DSCAM: variants seen among roughly 807,000 people sequenced by gnomAD.
The protein encoded by DSCAM is DS cell adhesion molecule.
In DSCAM, 47 loss-of-function variants were observed where a neutral mutation model predicts 217.7. That is an observed-to-expected ratio of 0.22 (90% CI 0.17 to 0.28). The LOEUF (loss-of-function observed/expected upper bound fraction) is 0.28. DSCAM is among the 10% of genes least tolerant of loss of function. The probability of loss-of-function intolerance (pLI) is 1.00; values close to 1 mark genes in which losing one functional copy is unlikely to be tolerated. For synonymous variants in DSCAM, 1,056 were observed against 1,015.3 expected (o/e 1.04, Z -0.76); for missense variants, 2,080 against 2,618.3 (o/e 0.79, Z 4.49).
At chr21:40,445,299 G>T (rs548191582) in intron 3 of DSCAM, among the ~76,000 whole-genome samples, 4 of 152,142 alleles carry the variant, frequency 2.6e-5, no homozygotes, top group Non-Finnish European at 5.9e-5. Flanking sequence ...CTTTAATTGC[G>T]TGCTGGCCTC....
rs2837566 is a variant in DSCAM, at chr21:40,301,608, G to C, written c.2063-5434C>G. ...AATTACTTACCATAGCCTTTATTACGCTCATCTGGTATTGCTGTTTAACAG... is the reference window on the plus strand; with the variant it reads ...AATTACTTACCATAGCCTTTATTACCCTCATCTGGTATTGCTGTTTAACAG... On this transcript the variant is annotated intron_variant, in intron 9 of 32. Transcript: ENST00000400454. Among the ~76,000 whole-genome samples, 12 of 128,726 alleles carry C rather than the reference G, an allele frequency of 9.3e-5. 1 individual carries two copies. The highest frequency in any genetic ancestry group is 1.9e-4 in the African/African-American group (5 of 26,150). The allele number at this position is 128,726 out of a possible 152,430, so 84.4% of individuals were successfully genotyped here. A position where few individuals can be genotyped will look rare whatever the true frequency, so the allele number is the denominator to read the frequency against.
intron 3 of DSCAM, among the ~76,000 whole-genome samples, chr21:40,386,100 C>T (rs916359356): frequency 2.0e-5 from 3 of 152,192 alleles, no homozygotes; most frequent in Non-Finnish European, 4.4e-5. Context: ...CCATTAATTA[C>T]GTGCACTGCA....
At chr21:40,813,679 G>A (rs1249948150) in intron 1 of DSCAM, among the ~76,000 whole-genome samples, 5 of 139,664 alleles carry the variant, frequency 3.6e-5, no homozygotes, top group East Asian at 4.1e-4. Context: ...ATGGAGTCTC[G>A]CTCTGTCACC....
intron 11 of DSCAM, among the ~76,000 whole-genome samples, chr21:40,213,662 T>A (rs370686882): frequency 6.6e-6 from 1 of 152,104 alleles, no homozygotes; most frequent in Non-Finnish European, 1.5e-5. Flanking sequence ...GGCTTGGAGA[T>A]GGAGTGGGTG....
chr21:40,451,529 C>T (rs990628038), intron 3 of DSCAM, among the ~76,000 whole-genome samples: 2 of 152,080 alleles, frequency 1.3e-5, no homozygotes, highest in African/African-American at 4.8e-5. Flanking sequence ...GGGCTCGTAT[C>T]ATGTCATATT....
At position 40,349,659 on chromosome 21, in the gene DSCAM, T is replaced by A. The variant is rs137942033; in HGVS notation, c.935-1714A>T. Reference sequence around the variant, plus strand: ...TCTATTTTACAAAACAGAAAATAGTTATTGAGAGCGCTTAAATAACTCAGC... The same window carrying A: ...TCTATTTTACAAAACAGAAAATAGTAATTGAGAGCGCTTAAATAACTCAGC... On this transcript the variant is annotated intron_variant, in intron 5 of 32. Coordinates refer to ENST00000400454, the MANE Select transcript of DSCAM (RefSeq NM_001389.5). Among the ~76,000 whole-genome samples the A allele has an allele frequency of 2.6e-5, 4 of 152,300 alleles. No individual in the cohort carries two copies. In the East Asian group the frequency reaches 7.7e-4, roughly 29 times the overall value.
intron 1 of DSCAM, among the ~76,000 whole-genome samples, chr21:40,745,858 G>A (rs1343329991): frequency 6.6e-6 from 1 of 152,014 alleles, no homozygotes; most frequent in African/African-American, 2.4e-5. Flanking sequence ...AATTAGTTAA[G>A]AGTTAATATA....
At chr21:40,744,163 T>A (rs1197534928) in intron 1 of DSCAM, among the ~76,000 whole-genome samples, 2 of 152,162 alleles carry the variant, frequency 1.3e-5, no homozygotes, top group African/African-American at 4.8e-5. Context: ...CCTACCAGTA[T>A]GGGAATCTTC....
intron 11 of DSCAM, among the ~76,000 whole-genome samples, chr21:40,263,029 A>C (rs895572055): frequency 1.3e-5 from 2 of 152,264 alleles, no homozygotes; most frequent in African/African-American, 4.8e-5. Context: ...CTTAGGCTAT[A>C]CAAATAAAAG....
intron 3 of DSCAM, among the ~76,000 whole-genome samples, chr21:40,519,968 C>T (rs1296361433): frequency 6.6e-6 from 1 of 152,038 alleles, no homozygotes; most frequent in Non-Finnish European, 1.5e-5. Flanking sequence ...AAACACATGA[C>T]CTTCCTTCTT....
At chr21:40,770,711 T>C (rs1461388216) in intron 1 of DSCAM, among the ~76,000 whole-genome samples, 1 of 152,136 alleles carries the variant, frequency 6.6e-6, no homozygotes, top group Non-Finnish European at 1.5e-5. Flanking sequence ...AGGAGGCGAA[T>C]GTTATTATGG....
At chr21:40,234,058 C>T (rs985707407) in intron 11 of DSCAM, among the ~76,000 whole-genome samples, 2 of 152,234 alleles carry the variant, frequency 1.3e-5, no homozygotes, top group African/African-American at 4.8e-5. Context: ...GAATGTACAA[C>T]AGCTCTTGTC....
intron 3 of DSCAM, among the ~76,000 whole-genome samples, chr21:40,454,745 G>T (rs1212674362): frequency 6.6e-6 from 1 of 152,210 alleles, no homozygotes; most frequent in Non-Finnish European, 1.5e-5. Flanking sequence ...TCAAAGTAGG[G>T]TAAATATACA....
chr21:40,204,243 G>A (rs1246185323), intron 11 of DSCAM, among the ~76,000 whole-genome samples: 2 of 152,182 alleles, frequency 1.3e-5, no homozygotes, highest in Admixed American at 6.5e-5. Context: ...GTGTGAGCAC[G>A]TGTGCAATTC....
intron 3 of DSCAM, among the ~76,000 whole-genome samples, chr21:40,415,726 G>T (rs1204471295): frequency 6.6e-6 from 1 of 152,126 alleles, no homozygotes. Context: ...GGCACCATTT[G>T]CACAGGCTCC....
At chr21:40,600,819 G>T (rs1305591555) in intron 3 of DSCAM, among the ~76,000 whole-genome samples, 1 of 152,060 alleles carries the variant, frequency 6.6e-6, no homozygotes, top group African/African-American at 2.4e-5. Context: ...CCATTGAATT[G>T]TCTTTGTTCC....
intron 1 of DSCAM, among the ~76,000 whole-genome samples, chr21:40,806,739 A>T (rs1199714924): frequency 6.6e-6 from 1 of 152,226 alleles, no homozygotes; most frequent in Non-Finnish European, 1.5e-5. Context: ...GACTGGATAA[A>T]GAAAATGTGG....
intron 16 of DSCAM, among the ~76,000 whole-genome samples, chr21:40,150,498 G>GA (rs2090413273): frequency 1.3e-5 from 2 of 152,152 alleles, no homozygotes; most frequent in Non-Finnish European, 1.5e-5. Flanking sequence ...AACAACCTCT[G>GA]AAAAAAATCC....
intron 3 of DSCAM, among the ~76,000 whole-genome samples, chr21:40,553,778 AT>A (rs951009121): frequency 6.6e-6 from 1 of 151,968 alleles, no homozygotes; most frequent in African/African-American, 2.4e-5. Context: ...CTTCTGAATT[AT>A]TTTTTTTAAC....
Sources: allele counts gnomAD v4.1 joint callset (sites outside exome capture counted in the v4.1 genomes callset), GRCh38; gene constraint gnomAD v4.1.1; transcripts MANE v1.5; gene names NCBI Gene and HGNC (gene_info 2026-07-23, HGNC 2026-07-21).